Variants in SCGN observed in about 807,000 individuals in gnomAD.
The protein encoded by SCGN is secretagogin.
In SCGN, 30 loss-of-function variants were observed where a neutral mutation model predicts 39.7. The ratio of observed to expected loss-of-function variants is 0.76; its 90% CI spans 0.57 to 1.03. The LOEUF (loss-of-function observed/expected upper bound fraction) is 1.03, where lower values mean the gene tolerates loss of function less well. SCGN is among the 50% of genes least tolerant of loss of function. SCGN has a pLI of 0.00. For synonymous variants in SCGN, 106 were observed against 114.1 expected, an observed-to-expected ratio of 0.93 and a Z score of 0.45; for missense variants, 353 against 349.4, an observed-to-expected ratio of 1.01 and a Z score of -0.08.
intron 5 of SCGN, 132 bp downstream of exon 5, chr6:25,669,699 A>G: frequency 1.4e-6 from 1 of 715,848 alleles, no homozygotes; most frequent in Non-Finnish European, 2.4e-6. Context: ...ATACATATGT[A>G]CATATATGTA....
At chr6:25,687,899 C>CA in intron 7 of SCGN, among the ~76,000 whole-genome samples, 1 of 152,182 alleles carries the variant, frequency 6.6e-6, no homozygotes, top group East Asian at 1.9e-4. Flanking sequence ...TTACAATTAA[C>CA]ATCTTAATTT....
intron 9 of SCGN, 45 bp from the exon 10 acceptor site, chr6:25,691,011 G>C (rs369460626): frequency 2.0e-6 from 3 of 1,512,020 alleles, no homozygotes; most frequent in Non-Finnish European, 2.7e-6. Context: ...TTGCTTTTTG[G>C]CTTAAGAAAC....
At chr6:25,674,389 A>G (rs1388673595) in intron 6 of SCGN, among the ~76,000 whole-genome samples, 6 of 152,198 alleles carry the variant, frequency 3.9e-5, no homozygotes, top group Non-Finnish European at 7.3e-5. Context: ...TTGGAACTTG[A>G]CAGTTGGTTT....
chr6:25,689,318 T>A (rs1759747064), intron 8 of SCGN, 101 bp downstream of exon 8: 1 of 1,156,874 alleles, frequency 8.6e-7, no homozygotes, highest in Middle Eastern at 2.0e-4. Context: ...CCCTACTTTT[T>A]AACTTATTTA....
chr6:25,666,185 A>G (rs2151378414), intron 4 of SCGN, among the ~76,000 whole-genome samples: 1 of 151,048 alleles, frequency 6.6e-6, no homozygotes, highest in African/African-American at 2.4e-5. Flanking sequence ...ACTAAAAAAA[A>G]AAAAAAAAAA....
chr6:25,662,685 A>G lies in SCGN; in HGVS notation c.246+1041A>G, dbSNP rs79216888. ...GTTCACCAGGAGACTGCCTTTTCAGAAAACTAATAAACTAAACTCTAGATT... is the reference window on the plus strand; with the variant it reads ...GTTCACCAGGAGACTGCCTTTTCAGGAAACTAATAAACTAAACTCTAGATT... On this transcript the variant is annotated intron_variant, in intron 3 of 10. Transcript: ENST00000377961. Among the ~76,000 whole-genome samples, 1,507 of 152,352 alleles carry G rather than the reference A, an allele frequency of 9.9e-3. 16 individuals are homozygous for G. The highest frequency in any genetic ancestry group is 0.031 in the Middle Eastern group (9 of 294).
chr6:25,664,625 T>C (rs558653357), intron 3 of SCGN, among the ~76,000 whole-genome samples: 32 of 152,344 alleles, frequency 2.1e-4, no homozygotes, highest in African/African-American at 7.0e-4. Context: ...GTTCTTAGAA[T>C]AGTGCCTGGA....
chr6:25,680,150 A>T (rs754922156), intron 6 of SCGN, among the ~76,000 whole-genome samples: 10 of 152,232 alleles, frequency 6.6e-5, no homozygotes, highest in Non-Finnish European at 1.5e-4. Context: ...TTTAAAAATT[A>T]AGAAGCCATT....
chr6:25,664,485 C>T (rs1760394352), intron 3 of SCGN, among the ~76,000 whole-genome samples: 2 of 152,062 alleles, frequency 1.3e-5, no homozygotes, highest in African/African-American at 2.4e-5. Flanking sequence ...ATGTGTGTAC[C>T]CTATAGATTG....
At chr6:25,676,913 T>G (rs776991192) in intron 6 of SCGN, among the ~76,000 whole-genome samples, 4 of 152,216 alleles carry the variant, frequency 2.6e-5, no homozygotes, top group Non-Finnish European at 5.9e-5. Context: ...AATAAATGAA[T>G]GAATGATGCC....
chr6:25,692,750 C>T (rs567206582), intron 10 of SCGN, among the ~76,000 whole-genome samples: 3 of 152,130 alleles, frequency 2.0e-5, no homozygotes, highest in Non-Finnish European at 2.9e-5. Context: ...AGAATACATC[C>T]GATTTACAGA....
chr6:25,674,671 A>T (rs1759542678), intron 6 of SCGN, among the ~76,000 whole-genome samples: 1 of 152,242 alleles, frequency 6.6e-6, no homozygotes, highest in African/African-American at 2.4e-5. Context: ...GGATTGGCAC[A>T]TTTAAAAACT....
At chr6:25,683,282 G>T (rs1759661564) in intron 7 of SCGN, among the ~76,000 whole-genome samples, 1 of 152,166 alleles carries the variant, frequency 6.6e-6, no homozygotes, top group Non-Finnish European at 1.5e-5. Flanking sequence ...AGAGCTATGT[G>T]AAAGAGCCAA....
intron 6 of SCGN, among the ~76,000 whole-genome samples, chr6:25,672,806 G>T (rs1759518203): frequency 6.6e-6 from 1 of 152,186 alleles, no homozygotes; most frequent in Non-Finnish European, 1.5e-5. Flanking sequence ...GGCCATTGTT[G>T]CCATCCAGGT....
At chr6:25,689,408 C>G in intron 8 of SCGN, 65 bp from the exon 9 acceptor site, 3 of 1,495,878 alleles carry the variant, frequency 2.0e-6, no homozygotes, top group Non-Finnish European at 2.8e-6. Context: ...GCCCAGGACT[C>G]TGGAAGAATT....
At chr6:25,691,000 C>A in intron 9 of SCGN, 56 bp from the exon 10 acceptor site, 2 of 1,390,448 alleles carry the variant, frequency 1.4e-6, no homozygotes, top group South Asian at 1.2e-5. Context: ...AAGTTATTGC[C>A]TTGCTTTTTG....
chr6:25,683,463 G>A (rs1188891859), intron 7 of SCGN, among the ~76,000 whole-genome samples: 1 of 152,208 alleles, frequency 6.6e-6, no homozygotes, highest in Admixed American at 6.5e-5. Context: ...CTGGGAGGCT[G>A]GGGTAATAAA....
At chr6:25,699,135 CTCTAT>C (rs1759874247) in intron 10 of SCGN, among the ~76,000 whole-genome samples, 1 of 152,138 alleles carries the variant, frequency 6.6e-6, no homozygotes, top group Admixed American at 6.6e-5. Flanking sequence ...TCGCTGCCTT[CTCTAT>C]TCACTCATAA....
chr6:25,679,482 AGG>A (rs1759607976), intron 6 of SCGN, among the ~76,000 whole-genome samples: 1 of 125,548 alleles, frequency 8.0e-6, no homozygotes, highest in Non-Finnish European at 1.9e-5. Context: ...CCCCGTGGGC[AGG>A]TGTGTGTGTG....
Sources: allele counts gnomAD v4.1 joint callset (sites outside exome capture counted in the v4.1 genomes callset), GRCh38; gene constraint gnomAD v4.1.1; transcripts MANE v1.5; gene names NCBI Gene and HGNC (gene_info 2026-07-23, HGNC 2026-07-21).